Variants in SLC28A3 observed in about 807,000 individuals in gnomAD.
SLC28A3 encodes concentrative Na(+)-nucleoside cotransporter 3.
SLC28A3 carries 68 observed loss-of-function variants against 84.2 expected under a neutral mutation model. The ratio of observed to expected loss-of-function variants is 0.81; its 90% CI spans 0.66 to 0.99. The LOEUF is 0.99. Among genes scored for constraint, SLC28A3 ranks in the 50% least tolerant of loss-of-function variants. The pLI, the probability that SLC28A3 is intolerant of heterozygous loss-of-function variation, is 0.00. For synonymous variants in SLC28A3, 267 were observed against 303.6 expected (o/e 0.88, Z 1.25); for missense variants, 712 against 841.5 (o/e 0.85, Z 1.90).
chr9:84,318,942 T>C (rs554884090), intron 1 of SLC28A3, among the ~76,000 whole-genome samples: 4 of 151,984 alleles, frequency 2.6e-5, no homozygotes, highest in East Asian at 1.9e-4. Flanking sequence ...GAAGAAGCCA[T>C]ACAAATGATA....
At chr9:84,308,099 A>G (rs149505004) in intron 3 of SLC28A3, among the ~76,000 whole-genome samples, 2 of 152,274 alleles carry the variant, frequency 1.3e-5, no homozygotes, top group East Asian at 3.9e-4. Context: ...CTTCTGATAC[A>G]TATAACAAAG....
chr9:84,304,575 C>A (rs927776352), intron 4 of SLC28A3, among the ~76,000 whole-genome samples: 1 of 152,102 alleles, frequency 6.6e-6, no homozygotes, highest in Non-Finnish European at 1.5e-5. Context: ...TTCAGGCAAG[C>A]GAGTGGGCTA....
intron 16 of SLC28A3, among the ~76,000 whole-genome samples, chr9:84,279,635 C>T (rs905045766): frequency 2.0e-5 from 3 of 152,110 alleles, no homozygotes; most frequent in Admixed American, 1.3e-4. Context: ...GGTTTCGCCA[C>T]GTTGGTCAGG....
At chr9:84,328,538 C>T (rs1383785527) in intron 1 of SLC28A3, among the ~76,000 whole-genome samples, 2 of 151,962 alleles carry the variant, frequency 1.3e-5, no homozygotes, top group Admixed American at 6.6e-5. Flanking sequence ...GCGGGTGGAT[C>T]ACCTGAGGTC....
At chr9:84,284,598 A>G (rs754325612) in intron 14 of SLC28A3, among the ~76,000 whole-genome samples, 11 of 152,202 alleles carry the variant, frequency 7.2e-5, no homozygotes, top group Non-Finnish European at 1.0e-4. Context: ...AGGAATGTTC[A>G]TCATTTCCTT....
intron 12 of SLC28A3, among the ~76,000 whole-genome samples, chr9:84,286,612 GATAAAAA>G (rs1382576399): frequency 1.3e-5 from 2 of 151,976 alleles, no homozygotes; most frequent in African/African-American, 4.8e-5. Flanking sequence ...ATTGGAAAAT[GATAAAAA>G]ATTACAAGTT....
At chr9:84,329,174 GC>G (rs1487467913) in intron 1 of SLC28A3, among the ~76,000 whole-genome samples, 18 of 152,122 alleles carry the variant, frequency 1.2e-4, no homozygotes, top group Non-Finnish European at 2.2e-4. Flanking sequence ...TTATCAAAGA[GC>G]TATTGTTAAC....
At chr9:84,300,820 G>A (rs1372418049) in intron 5 of SLC28A3, among the ~76,000 whole-genome samples, 2 of 152,110 alleles carry the variant, frequency 1.3e-5, no homozygotes, top group East Asian at 1.9e-4. Context: ...ATCCATAGCA[G>A]GTAGCCAGGC....
chr9:84,325,941 T>C (rs1194942800), intron 1 of SLC28A3, among the ~76,000 whole-genome samples: 1 of 152,202 alleles, frequency 6.6e-6, no homozygotes, highest in Non-Finnish European at 1.5e-5. Flanking sequence ...GAACTAATCA[T>C]GCCAAGGCTG....
In SLC28A3 at chr9:84,280,874, A is replaced by G. The variant is rs1419650503; in HGVS notation, c.1656T>C (p.Ser552=). The G allele has an allele frequency of 6.2e-7, 1 of 1,614,172 alleles. No homozygotes were observed. The highest frequency in any genetic ancestry group is 1.1e-5 in the South Asian group (1 of 91,064). Residue 552 remains serine, a synonymous_variant, in exon 15 of 18, where the codon TCT becomes TCC. Coordinates refer to ENST00000376238, the MANE Select transcript of SLC28A3 (RefSeq NM_001199633.2). The stretch of plus-strand genomic sequence containing the variant: ...AGAGAGCGTAAGTGGCGATTATCTC[A>G]GAACGAATCTGTAAGCAAGCATAAA... ...NGVQQYISIR[S]EIIATYALCG...
chr9:84,309,981 C>T (rs904367154), intron 2 of SLC28A3, among the ~76,000 whole-genome samples: 2 of 152,164 alleles, frequency 1.3e-5, no homozygotes, highest in African/African-American at 2.4e-5. Context: ...GGAACAGGCT[C>T]ATATTTGTGC....
chr9:84,319,439 C>T (rs753986239), intron 1 of SLC28A3, among the ~76,000 whole-genome samples: 15 of 152,076 alleles, frequency 9.9e-5, no homozygotes, highest in African/African-American at 2.2e-4. Context: ...CTGAGGCAGA[C>T]GGGTCACTTG....
At chr9:84,319,156 T>G (rs1403966555) in intron 1 of SLC28A3, among the ~76,000 whole-genome samples, 1 of 152,190 alleles carries the variant, frequency 6.6e-6, no homozygotes, top group South Asian at 2.1e-4. Flanking sequence ...AATTTCCTAC[T>G]TCAGGTCACG....
rs981275874 is a variant in SLC28A3, at chr9:84,332,324, A to G, written c.60+8250T>C. On this transcript the variant is annotated intron_variant, in intron 1 of 17. Transcript: ENST00000376238. ...AAATCCTCATCTGTCATATCAAGAA[A>G]TCACTATATAATGTATAAAACAATC... Among the ~76,000 whole-genome samples the G allele has an allele frequency of 3.3e-5, 5 of 152,320 alleles. No homozygotes were observed. In the East Asian group the frequency reaches 7.7e-4, roughly 23 times the overall value.
chr9:84,285,249 T>C, intron 14 of SLC28A3, 96 bp downstream of exon 14: 1 of 1,213,748 alleles, frequency 8.2e-7, no homozygotes, highest in East Asian at 2.5e-5. Flanking sequence ...CTATCCCAGG[T>C]GCCTGGCATA....
chr9:84,285,560 A>C lies in SLC28A3; in HGVS notation c.1450-18T>G. 6.2e-7 allele frequency: 1 copy of C among 1,613,788 alleles called. No individual in the cohort carries two copies. The highest frequency in any genetic ancestry group is 8.5e-7 in the Non-Finnish European group (1 of 1,179,736). ...CAGATTAGCTACAGAAACCAAAAGT[A>C]GACACTTGATTAGAATAGTGATTTG... On this transcript the variant is annotated intron_variant, in intron 13 of 17. Transcript: ENST00000376238.
At chr9:84,280,152 A>T in intron 15 of SLC28A3, 79 bp from the exon 16 acceptor site, 3 of 1,345,034 alleles carry the variant, frequency 2.2e-6, no homozygotes, top group Non-Finnish European at 3.1e-6. Context: ...AATTGTTCTG[A>T]GGCTGGGCTC....
chr9:84,310,003 G>C (rs1825938362), intron 2 of SLC28A3, among the ~76,000 whole-genome samples: 1 of 151,980 alleles, frequency 6.6e-6, no homozygotes, highest in African/African-American at 2.4e-5. Context: ...TTTTGCTCCT[G>C]TCTCTCTTGT....
the SLC28A3 span, among the ~76,000 whole-genome samples, chr9:84,358,266 G>C: frequency 1.3e-5 from 2 of 152,160 alleles, no homozygotes; most frequent in Non-Finnish European, 2.9e-5. Flanking sequence ...GGGCTGCACA[G>C]CCTTACATAC....
Sources: gnomAD v4.1 joint callset for allele counts (sites outside exome capture counted in the v4.1 genomes callset) on GRCh38, gnomAD v4.1.1 for gene constraint, MANE v1.5 for transcripts, NCBI Gene and HGNC (gene_info 2026-07-23, HGNC 2026-07-21) for gene names.